TEX51: variants seen among roughly 807,000 people sequenced by gnomAD.
TEX51 encodes testis expressed 51.
TEX51 carries 14 observed loss-of-function variants against 8.0 expected under a neutral mutation model. The ratio of observed to expected loss-of-function variants is 1.76; its 90% CI spans 1.16 to 2.75. The LOEUF is 2.75. TEX51 is among the 30% of genes most tolerant of loss of function. The pLI, the probability that TEX51 is intolerant of heterozygous loss-of-function variation, is 0.00. For missense variants in TEX51, 142 were observed against 77.4 expected, an observed-to-expected ratio of 1.83 and a Z score of -3.13; for synonymous variants, 58 against 28.6, an observed-to-expected ratio of 2.03 and a Z score of -3.29.
At chr2:126,900,461 C>A (rs1444760888) in intron 4 of TEX51, among the ~76,000 whole-genome samples, 1 of 151,792 alleles carries the variant, frequency 6.6e-6, no homozygotes, top group African/African-American at 2.4e-5. Context: ...AACCCCCAAA[C>A]CTGTTCTTCC....
chr2:126,899,019 A>T lies in TEX51; in HGVS notation c.101A>T (p.Gln34Leu). 2.8e-6 allele frequency: 2 copies of T among 702,348 alleles called. No individual in the cohort carries two copies. The highest frequency in any genetic ancestry group is 5.2e-6 in the Non-Finnish European group (2 of 384,824). 43.5% of individuals were successfully genotyped at this position (702,348 alleles called of 1,614,324 possible). The change falls in exon 1 of 7, where the codon CAG becomes CTG. Residue 34 changes from glutamine (Q) to leucine (L), a missense_variant. Transcript: ENST00000568484. ...TCTGCCTTGATAGACTATGACCTGC[A>T]GATCCTCTGGGTGACCCCAGGGCCA... ...ELSALIDYDL[Q>L]ILWVTPGPPT...
rs373252242 is a variant in TEX51 at position 126,900,255 on chromosome 2, G to T, written c.394+236G>T. On this transcript the variant is annotated intron_variant, in intron 4 of 6. Coordinates refer to ENST00000568484, the MANE Select transcript of TEX51 (RefSeq NM_001322244.2). ...TGGAGGCCTCTTGGTTCTCAGAGAT[G>T]CCATGCCTAGAAACATGACCAATCC... is the stretch of plus-strand genomic sequence containing the variant. Among the ~76,000 whole-genome samples, 127 of 152,112 alleles carry T rather than the reference G, an allele frequency of 8.3e-4. 1 individual carries two copies. Among genetic ancestry groups the T allele is most frequent in the African/African-American group, 3.0e-3 (123 of 41,500 alleles).
Position 126,901,919 on chromosome 2 carries a change from T to C in TEX51, c.*50T>C. On this transcript the variant is annotated 3_prime_UTR_variant, in exon 7 of 7. Coordinates refer to ENST00000568484, the MANE Select transcript of TEX51 (RefSeq NM_001322244.2). Reference sequence around the variant, plus strand: ...TCCAGAAGTGAACAGAGGCCGCAGCTACCACCGTCACAAAGTTCACTCATC... The same window carrying C: ...TCCAGAAGTGAACAGAGGCCGCAGCCACCACCGTCACAAAGTTCACTCATC... The C allele has an allele frequency of 1.5e-6, 1 of 670,366 alleles. No individual in the cohort carries two copies. Among genetic ancestry groups the C allele is most frequent in the East Asian group, 2.9e-5 (1 of 34,528 alleles). 41.5% of individuals were successfully genotyped at this position (670,366 alleles called of 1,614,324 possible).
At chr2:126,901,342 C>G (rs1236923229) in intron 5 of TEX51, 23 bp from the exon 6 acceptor site, 1 of 702,320 alleles carries the variant, frequency 1.4e-6, no homozygotes, top group South Asian at 1.5e-5. Context: ...CCCTGACTGA[C>G]TCCACCCTGT....
intron 4 of TEX51, 21 bp downstream of exon 4, chr2:126,900,040 C>T (rs772130946): frequency 3.1e-5 from 22 of 700,420 alleles, no homozygotes; most frequent in Admixed American, 8.0e-5. Context: ...ACCACCCTGT[C>T]CAGCCTCTCC....
chr2:126,899,033 A>G lies in TEX51; in HGVS notation c.115A>G (p.Thr39Ala). 1 of 702,232 alleles carries G rather than the reference A, an allele frequency of 1.4e-6. No individual in the cohort carries two copies. Among genetic ancestry groups the G allele is most frequent in the South Asian group, 1.5e-5 (1 of 67,584 alleles). The allele number at this position is 702,232 out of a possible 1,614,324, so 43.5% of individuals were successfully genotyped here. ...IDYDLQILWV[T>A]PGPPTELSQN... ...CTATGACCTGCAGATCCTCTGGGTG[A>G]CCCCAGGGCCACCCACAGAACTTTC... Residue 39 changes from threonine to alanine, a missense_variant, in exon 1 of 7, where the codon ACC becomes GCC. By Grantham distance (58) the Thr-to-Ala change is moderately conservative. Transcript: ENST00000568484.
At chr2:126,900,059 C>A (rs1334271206) in intron 4 of TEX51, 40 bp downstream of exon 4, 6 of 699,800 alleles carry the variant, frequency 8.6e-6, no homozygotes, top group African/African-American at 1.7e-5. Context: ...CCCCTCCCTG[C>A]CCTGCATTTC....
chr2:126,899,113 C>A (rs1231713903), intron 1 of TEX51, 50 bp downstream of exon 1: 4 of 701,158 alleles, frequency 5.7e-6, no homozygotes, highest in Middle Eastern at 4.6e-4. Context: ...AACCCTGGTA[C>A]CTTGGTGAGG....
At chr2:126,899,894 G>T in intron 3 of TEX51, 42 bp from the exon 4 acceptor site, 1 of 702,182 alleles carries the variant, frequency 1.4e-6, no homozygotes, top group Non-Finnish European at 2.6e-6. Flanking sequence ...AGGGATGAAA[G>T]GCACCTGGCA....
In TEX51 at chr2:126,898,913, C is replaced by T. The variant is rs1296277912; in HGVS notation, c.-6C>T. 1.4e-6 allele frequency: 1 copy of T among 697,858 alleles called. No individual in the cohort carries two copies. The highest frequency in any genetic ancestry group is 2.6e-6 in the Non-Finnish European group (1 of 382,836). 43.2% of individuals were successfully genotyped at this position (697,858 alleles called of 1,614,324 possible). On this transcript the variant is annotated 5_prime_UTR_variant, in exon 1 of 7. Coordinates refer to ENST00000568484, the MANE Select transcript of TEX51 (RefSeq NM_001322244.2). ...GCACTGGGGCACAGTAGGAGGAACC[C>T]AGAAGATGCTGCCTCTCCTGATCAT...
intron 2 of TEX51, 63 bp downstream of exon 2, chr2:126,899,354 C>T: frequency 1.4e-6 from 1 of 700,140 alleles, no homozygotes; most frequent in South Asian, 1.5e-5. Flanking sequence ...CCCTCCAAGG[C>T]ATTCTCAGAG....
chr2:126,902,000 C>T lies in TEX51; in HGVS notation c.*131C>T. 1.7e-6 allele frequency: 1 copy of T among 576,860 alleles called. No homozygotes were observed. Among genetic ancestry groups the T allele is most frequent in the Non-Finnish European group, 3.1e-6 (1 of 323,654 alleles). The allele number at this position is 576,860 out of a possible 1,614,324, so 35.7% of individuals were successfully genotyped here. ...CCCTCCATCCTGGGTCCTGGGGCCC[C>T]AAAGCTCTGAGGCCTAGGAGACTGC... On this transcript the variant is annotated 3_prime_UTR_variant, in exon 7 of 7. Coordinates refer to ENST00000568484, the MANE Select transcript of TEX51 (RefSeq NM_001322244.2).
Position 126,899,233 on chromosome 2 carries a change from A to G in TEX51, c.162A>G (p.Glu54=), listed in dbSNP as rs1680185602. 1 of 702,266 alleles carries G rather than the reference A, an allele frequency of 1.4e-6. No individual in the cohort carries two copies. The highest frequency in any genetic ancestry group is 2.7e-5 in the East Asian group (1 of 37,264). 43.5% of individuals were successfully genotyped at this position (702,266 alleles called of 1,614,324 possible). A position where few individuals can be genotyped will look rare whatever the true frequency, so the allele number is the denominator to read the frequency against. Reference sequence around the variant, plus strand: ...CATCCTCAGATCGTGACCATTTGGAAGAAGAAACAGCCAAATTCTTCACTC... The same window carrying G: ...CATCCTCAGATCGTGACCATTTGGAGGAAGAAACAGCCAAATTCTTCACTC... The part of the protein sequence containing the change: ...TELSQNRDHL[E]EETAKFFTQV... Residue 54 remains glutamate (E), a synonymous_variant, in exon 2 of 7, where the codon GAA becomes GAG. Coordinates refer to ENST00000568484, the MANE Select transcript of TEX51 (RefSeq NM_001322244.2).
At chr2:126,899,475 T>C (rs781157298) in intron 2 of TEX51, 48 bp from the exon 3 acceptor site, 1 of 685,656 alleles carries the variant, frequency 1.5e-6, no homozygotes, top group South Asian at 1.6e-5. Context: ...AAACCCAACC[T>C]TGAGCAAGTT....
chr2:126,901,760 C>G, intron 6 of TEX51, 112 bp from the exon 7 acceptor site: 1 of 573,214 alleles, frequency 1.7e-6, no homozygotes, highest in African/African-American at 1.9e-5. Context: ...GCCCTCTGCT[C>G]TGGGTTGGGT....
In TEX51 at chr2:126,899,241, C is replaced by T. The variant is rs190901446; in HGVS notation, c.170C>T (p.Thr57Ile). The change falls in exon 2 of 7, where the codon ACA becomes ATA. Residue 57 changes from threonine to isoleucine, a missense_variant. Coordinates refer to ENST00000568484, the MANE Select transcript of TEX51 (RefSeq NM_001322244.2). ...GATCGTGACCATTTGGAAGAAGAAA[C>T]AGCCAAATTCTTCACTCAAGTACAC... ...SQNRDHLEEE[T>I]AKFFTQVHQA... 2.4e-4 allele frequency: 166 copies of T among 702,156 alleles called. 1 individual carries two copies. In the African/African-American group the frequency reaches 2.7e-3, roughly 11 times the overall value. 43.5% of individuals were successfully genotyped at this position (702,156 alleles called of 1,614,324 possible).
Position 126,901,939 on chromosome 2 carries a change from C to G in TEX51, c.*70C>G, listed in dbSNP as rs1233019481. 1 of 672,016 alleles carries G rather than the reference C, an allele frequency of 1.5e-6. No individual in the cohort carries two copies. The highest frequency in any genetic ancestry group is 2.7e-6 in the Non-Finnish European group (1 of 369,558). 41.6% of individuals were successfully genotyped at this position (672,016 alleles called of 1,614,324 possible). On this transcript the variant is annotated 3_prime_UTR_variant, in exon 7 of 7. Transcript: ENST00000568484. ...GCAGCTACCACCGTCACAAAGTTCA[C>G]TCATCTCTGGGTCCCGGTGACCCCA... is the stretch of plus-strand genomic sequence containing the variant.
In TEX51 at chr2:126,898,950, C is replaced by T. The variant is rs1306079224; in HGVS notation, c.32C>T (p.Pro11Leu). Residue 11 changes from proline to leucine, a missense_variant, in exon 1 of 7, where the codon CCT (proline) becomes CTT (leucine). Pro to Leu is a moderately conservative substitution (Grantham distance 98). Transcript: ENST00000568484. Reference sequence around the variant, plus strand: ...CCTCTCCTGATCATCTGTCTCCTGCCTGCCATTGAAGGGAAGAACTGCCTC... The same window carrying T: ...CCTCTCCTGATCATCTGTCTCCTGCTTGCCATTGAAGGGAAGAACTGCCTC... MLPLLIICLL[P>L]AIEGKNCLRC... 2.9e-6 allele frequency: 2 copies of T among 701,158 alleles called. No individual in the cohort carries two copies. Among genetic ancestry groups the T allele is most frequent in the Admixed American group, 4.0e-5 (2 of 50,012 alleles). 43.4% of individuals were successfully genotyped at this position (701,158 alleles called of 1,614,324 possible).
chr2:126,899,080 C>T lies in TEX51; in HGVS notation c.145+17C>T. On this transcript the variant is annotated intron_variant, in intron 1 of 6. Coordinates refer to ENST00000568484, the MANE Select transcript of TEX51 (RefSeq NM_001322244.2). The stretch of plus-strand genomic sequence containing the variant: ...TTTCTCAAAGTATTCACTCCTTGTT[C>T]CTAGAGGATAATAATTTTCTCAAAC... 1.4e-6 allele frequency: 1 copy of T among 702,036 alleles called. No homozygotes were observed. Among genetic ancestry groups the T allele is most frequent in the South Asian group, 1.5e-5 (1 of 67,574 alleles). The allele number at this position is 702,036 out of a possible 1,614,324, so 43.5% of individuals were successfully genotyped here.
Sources: allele counts gnomAD v4.1 joint callset (sites outside exome capture counted in the v4.1 genomes callset), GRCh38; gene constraint gnomAD v4.1.1; transcripts MANE v1.5; gene names NCBI Gene and HGNC (gene_info 2026-07-23, HGNC 2026-07-21).